The following SLC25A52 variants were observed in gnomAD, a reference collection of about 807,000 sequenced individuals.
SLC25A52 encodes solute carrier family 25 member 52.
A neutral mutation model predicts 17.7 loss-of-function variants in SLC25A52; 12 were observed. The observed-to-expected ratio is 0.68, with a 90% CI of 0.43 to 1.10. The LOEUF (loss-of-function observed/expected upper bound fraction) is 1.10, where lower values mean the gene tolerates loss of function less well. Ranked by LOEUF, SLC25A52 falls within the 50% of genes least tolerant of loss-of-function variation. SLC25A52 has a pLI of 0.00. For synonymous variants in SLC25A52, 108 were observed against 135.1 expected (o/e 0.80, Z 1.39); for missense variants, 298 against 364.9 (o/e 0.82, Z 1.49).
chr18:31,760,289 C>A lies in SLC25A52; in HGVS notation c.373G>T (p.Ala125Ser). The A allele has an allele frequency of 6.2e-7, 1 of 1,614,050 alleles. No individual in the cohort carries two copies. The highest frequency in any genetic ancestry group is 1.1e-5 in the South Asian group (1 of 91,072). Residue 125 changes from alanine (A) to serine (S), a missense_variant, in exon 1 of 1, where the codon GCA becomes TCA. Physicochemically the swap from Ala to Ser is moderately conservative, Grantham distance 99 (BLOSUM62 1). Coordinates refer to ENST00000269205, the MANE Select transcript of SLC25A52 (RefSeq NM_001034172.4). ...GCTTCTGCTGTCCCTGCAAGCACTG[C>A]CGCCACGCCATGGGTTGCAAACTCT... ...APEFATHGVA[A>S]VLAGTAEAIF...
rs560657029 is a variant in SLC25A52, at chr18:31,760,462, TC to T, written c.199del (p.Asp67MetfsTer6). ...RQQLYGIKTR[D>X]AVLQLRRDGF... is the part of the protein sequence containing the mutation. The stretch of plus-strand genomic sequence containing the variant: ...ATCCCTTCTCAACTGAAGTACTGCA[TC>T]CCGGGTTTTGATGCCATACAGCTGT... On this transcript the variant is annotated frameshift_variant, in exon 1 of 1. Coordinates refer to ENST00000269205, the MANE Select transcript of SLC25A52 (RefSeq NM_001034172.4). LOFTEE classifies it high-confidence loss of function. 1,421 of 1,614,108 alleles carry T rather than the reference TC, an allele frequency of 8.8e-4. 11 individuals are homozygous for T. The African/African-American group carries it at 0.017, about 20-fold the overall frequency.
Position 31,759,594 on chromosome 18 carries a change from G to T in SLC25A52, c.*174C>A. 3 of 610,542 alleles carry T rather than the reference G, an allele frequency of 4.9e-6. No homozygotes were observed. The highest frequency in any genetic ancestry group is 4.6e-4 in the Middle Eastern group (1 of 2,168). The allele number at this position is 610,542 out of a possible 1,614,324, so 37.8% of individuals were successfully genotyped here. ...AAAAAAACCCTTACATTTTCCTATT[G>T]GAACCTTTTATTCTGTTTTGTTGAT... On this transcript the variant is annotated 3_prime_UTR_variant, in exon 1 of 1. Coordinates refer to ENST00000269205, the MANE Select transcript of SLC25A52 (RefSeq NM_001034172.4).
rs765596685 is a variant in SLC25A52 at position 31,760,485 on chromosome 18, C to T, written c.177G>A (p.Gln59=). The part of the protein sequence containing the change: ...YPIQKVLFRQ[Q]LYGIKTRDAV... ...CATCCCGGGTTTTGATGCCATACAGCTGTTGCCGAAAGAGGACCTTCTGAA... is the reference window on the plus strand; with the variant it reads ...CATCCCGGGTTTTGATGCCATACAGTTGTTGCCGAAAGAGGACCTTCTGAA... The change falls in exon 1 of 1, where the codon CAG becomes CAA. Residue 59 remains glutamine (Q), a synonymous_variant. Coordinates refer to ENST00000269205, the MANE Select transcript of SLC25A52 (RefSeq NM_001034172.4). The T allele has an allele frequency of 1.2e-6, 2 of 1,614,228 alleles. No individual in the cohort carries two copies. The highest frequency in any genetic ancestry group is 1.7e-6 in the Non-Finnish European group (2 of 1,180,048).
chr18:31,760,737 T>G lies in SLC25A52; in HGVS notation c.-76A>C. Reference sequence around the variant, plus strand: ...CTGAGCCTGGAGTTTGGCAGGATGATAGCTTTGTGATAATGTTCCCAATTT... The same window carrying G: ...CTGAGCCTGGAGTTTGGCAGGATGAGAGCTTTGTGATAATGTTCCCAATTT... On this transcript the variant is annotated 5_prime_UTR_variant, in exon 1 of 1. Coordinates refer to ENST00000269205, the MANE Select transcript of SLC25A52 (RefSeq NM_001034172.4). 4 of 1,504,448 alleles carry G rather than the reference T, an allele frequency of 2.7e-6. No individual in the cohort carries two copies. Among genetic ancestry groups the G allele is most frequent in the Non-Finnish European group, 3.6e-6 (4 of 1,120,758 alleles). The allele number at this position is 1,504,448 out of a possible 1,614,324, so 93.2% of individuals were successfully genotyped here.
chr18:31,760,466 G>T lies in SLC25A52; in HGVS notation c.196C>A (p.Arg66=), dbSNP rs142346377. 6.2e-7 allele frequency: 1 copy of T among 1,614,194 alleles called. No individual in the cohort carries two copies. The highest frequency in any genetic ancestry group is 1.3e-5 in the African/African-American group (1 of 75,038). ...FRQQLYGIKT[R]DAVLQLRRDG... is the part of the protein sequence containing the mutation. Reference sequence around the variant, plus strand: ...CTTCTCAACTGAAGTACTGCATCCCGGGTTTTGATGCCATACAGCTGTTGC... The same window carrying T: ...CTTCTCAACTGAAGTACTGCATCCCTGGTTTTGATGCCATACAGCTGTTGC... The change falls in exon 1 of 1, where the codon CGG becomes AGG. Residue 66 remains arginine (R), a synonymous_variant. Transcript: ENST00000269205.
In SLC25A52 at chr18:31,760,473, G is replaced by C; in HGVS notation, c.189C>G (p.Ile63Met). ...KVLFRQQLYG[I>M]KTRDAVLQLR... ...ACTGAAGTACTGCATCCCGGGTTTT[G>C]ATGCCATACAGCTGTTGCCGAAAGA... The change falls in exon 1 of 1, where the codon ATC (isoleucine) becomes ATG (methionine). Residue 63 changes from isoleucine (I) to methionine (M), a missense_variant. Physicochemically the swap from Ile to Met is conservative, Grantham distance 10. Transcript: ENST00000269205. 1 of 1,614,230 alleles carries C rather than the reference G, an allele frequency of 6.2e-7. No individual in the cohort carries two copies.
At position 31,760,040 on chromosome 18, in the gene SLC25A52, T is replaced by G. The variant is rs1340169088; in HGVS notation, c.622A>C (p.Ser208Arg). ...ATAAAATCATTGACCAAATGAGCAC[T>G]GTGAGTCGTTGCGGTAGGCAGATGC... ...KEHLPTATTH[S>R]AHLVNDFIGG... Residue 208 changes from serine (S) to arginine (R), a missense_variant, in exon 1 of 1, where the codon AGT becomes CGT. Physicochemically the swap from Ser to Arg is moderately radical, Grantham distance 110 (BLOSUM62 -1). Transcript: ENST00000269205. 3.7e-6 allele frequency: 6 copies of G among 1,611,882 alleles called. No homozygotes were observed. The highest frequency in any genetic ancestry group is 5.1e-6 in the Non-Finnish European group (6 of 1,179,828).
In SLC25A52 at chr18:31,759,693, A is replaced by G; in HGVS notation, c.*75T>C. 2 of 1,505,776 alleles carry G rather than the reference A, an allele frequency of 1.3e-6. No individual in the cohort carries two copies. Among genetic ancestry groups the G allele is most frequent in the Non-Finnish European group, 1.8e-6 (2 of 1,123,902 alleles). 93.3% of individuals were successfully genotyped at this position (1,505,776 alleles called of 1,614,324 possible). ...GACACGAACTTGTATTTGGCCAATTAAGAAAGAGGCCAAACTGCATTCTTC... is the reference window on the plus strand; with the variant it reads ...GACACGAACTTGTATTTGGCCAATTGAGAAAGAGGCCAAACTGCATTCTTC... On this transcript the variant is annotated 3_prime_UTR_variant, in exon 1 of 1. Transcript: ENST00000269205.
Position 31,760,088 on chromosome 18 carries a change from C to T in SLC25A52, c.574G>A (p.Gly192Ser). ...TGCTCCTTAATGGGACCTCGAAGGC[C>T]GAAAAACAAGACATTGCTGAGTCCA... ...RNGLSNVLFF[G>S]LRGPIKEHLP... Residue 192 changes from glycine (G) to serine (S), a missense_variant, in exon 1 of 1, where the codon GGC becomes AGC. Coordinates refer to ENST00000269205, the MANE Select transcript of SLC25A52 (RefSeq NM_001034172.4). The T allele has an allele frequency of 1.9e-6, 3 of 1,611,866 alleles. No homozygotes were observed. The highest frequency in any genetic ancestry group is 1.7e-6 in the Non-Finnish European group (2 of 1,179,824).
Position 31,760,875 on chromosome 18 carries a change from G to A in SLC25A52, c.-214C>T, listed in dbSNP as rs2031503310. 1.3e-6 allele frequency: 1 copy of A among 750,420 alleles called. No individual in the cohort carries two copies. The highest frequency in any genetic ancestry group is 2.8e-5 in the East Asian group (1 of 35,614). The allele number at this position is 750,420 out of a possible 1,614,324, so 46.5% of individuals were successfully genotyped here. On this transcript the variant is annotated 5_prime_UTR_variant, in exon 1 of 1. Transcript: ENST00000269205. ...ACCCATCGCCGCCGGCGCCCCGCAGGACTGCGAGCAAGCCGGGACCTGCGC... is the reference window on the plus strand; with the variant it reads ...ACCCATCGCCGCCGGCGCCCCGCAGAACTGCGAGCAAGCCGGGACCTGCGC...
Position 31,759,970 on chromosome 18 carries a change from G to A in SLC25A52, c.692C>T (p.Pro231Leu). The A allele has an allele frequency of 6.2e-7, 1 of 1,611,950 alleles. No individual in the cohort carries two copies. The highest frequency in any genetic ancestry group is 1.1e-5 in the South Asian group (1 of 90,990). Residue 231 changes from proline to leucine, a missense_variant, in exon 1 of 1, where the codon CCA becomes CTA. By Grantham distance (98) the Pro-to-Leu change is moderately conservative. Transcript: ENST00000269205. ...TAGGCGAGTTTTTACAACATTAATT[G>A]GAAAACACAAGAATCCCAACATGGC... ...LGAMLGFLCF[P>L]INVVKTRLQS...
Position 31,760,497 on chromosome 18 carries a change from G to A in SLC25A52, c.165C>T (p.Leu55=). The part of the protein sequence containing the change: ...VAITYPIQKV[L]FRQQLYGIKT... ...TGATGCCATACAGCTGTTGCCGAAA[G>A]AGGACCTTCTGAATGGGATATGTGA... Residue 55 remains leucine (L), a synonymous_variant, in exon 1 of 1, where the codon CTC becomes CTT. Coordinates refer to ENST00000269205, the MANE Select transcript of SLC25A52 (RefSeq NM_001034172.4). The A allele has an allele frequency of 6.2e-7, 1 of 1,614,230 alleles. No homozygotes were observed. Among genetic ancestry groups the A allele is most frequent in the Non-Finnish European group, 8.5e-7 (1 of 1,180,056 alleles).
In SLC25A52 at chr18:31,760,380, C is replaced by T. The variant is rs11875226; in HGVS notation, c.282G>A (p.Thr94=). 45,431 of 1,614,076 alleles carry T rather than the reference C, an allele frequency of 0.028. 1,654 individuals are homozygous for T. Among genetic ancestry groups the T allele is most frequent in the African/African-American group, 0.18 (13,464 of 74,958 alleles). ...ILPPLMQKTT[T]LALMFGLYED... ...CATACAGACCAAACATAAGTGCAAG[C>T]GTAGTTGTCTTCTGCATCAATGGGG... is the stretch of plus-strand genomic sequence containing the variant. The change falls in exon 1 of 1, where the codon ACG becomes ACA. Residue 94 remains threonine, a synonymous_variant. Coordinates refer to ENST00000269205, the MANE Select transcript of SLC25A52 (RefSeq NM_001034172.4).
At position 31,759,957 on chromosome 18, in the gene SLC25A52, TACA is replaced by T; in HGVS notation, c.702_704del (p.Val235del). 1 of 1,611,884 alleles carries T rather than the reference TACA, an allele frequency of 6.2e-7. No homozygotes were observed. Among genetic ancestry groups the T allele is most frequent in the African/African-American group, 1.3e-5 (1 of 74,908 alleles). On this transcript the variant is annotated inframe_deletion, in exon 1 of 1. Coordinates refer to ENST00000269205, the MANE Select transcript of SLC25A52 (RefSeq NM_001034172.4). ...CAATCTGAGACTGTAGGCGAGTTTT[TACA>T]ACATTAATTGGAAAACACAAGAATC...
In SLC25A52 at chr18:31,759,870, T is replaced by A. The variant is rs750289615; in HGVS notation, c.792A>T (p.Lys264Asn). The A allele has an allele frequency of 1.9e-6, 3 of 1,612,334 alleles. No individual in the cohort carries two copies. The highest frequency in any genetic ancestry group is 1.7e-6 in the Non-Finnish European group (2 of 1,178,852). The change falls in exon 1 of 1, where the codon AAA becomes AAT. Residue 264 changes from lysine to asparagine, a missense_variant. Physicochemically the swap from Lys to Asn is moderately conservative, Grantham distance 94 (BLOSUM62 0). Coordinates refer to ENST00000269205, the MANE Select transcript of SLC25A52 (RefSeq NM_001034172.4). ...FQKIWLERDR[K>N]LINLFRGAHL... ...GGGCACCTCTGAAAAGATTTATCAG[T>A]TTTCTGTCCCGTTCCAGCCAGATTT...
In SLC25A52 at chr18:31,760,379, G is replaced by A. The variant is rs750997541; in HGVS notation, c.283C>T (p.Leu95Phe). The change falls in exon 1 of 1, where the codon CTT (leucine) becomes TTT (phenylalanine). Residue 95 changes from leucine (L) to phenylalanine (F), a missense_variant. Coordinates refer to ENST00000269205, the MANE Select transcript of SLC25A52 (RefSeq NM_001034172.4). ...TCATACAGACCAAACATAAGTGCAA[G>A]CGTAGTTGTCTTCTGCATCAATGGG... ...LPPLMQKTTT[L>F]ALMFGLYEDL... is the part of the protein sequence containing the mutation. 8 of 1,614,090 alleles carry A rather than the reference G, an allele frequency of 5.0e-6. No homozygotes were observed. Among genetic ancestry groups the A allele is most frequent in the Admixed American group, 3.3e-5 (2 of 60,000 alleles).
rs377227347 is a variant in SLC25A52 at position 31,760,492 on chromosome 18, C to G, written c.170G>C (p.Arg57Pro). ...GGTTTTGATGCCATACAGCTGTTGC[C>G]GAAAGAGGACCTTCTGAATGGGATA... is the stretch of plus-strand genomic sequence containing the variant. ...ITYPIQKVLF[R>P]QQLYGIKTRD... Residue 57 changes from arginine (R) to proline (P), a missense_variant, in exon 1 of 1, where the codon CGG becomes CCG. Coordinates refer to ENST00000269205, the MANE Select transcript of SLC25A52 (RefSeq NM_001034172.4). The G allele has an allele frequency of 1.2e-6, 2 of 1,614,140 alleles. No homozygotes were observed. The highest frequency in any genetic ancestry group is 1.7e-6 in the Non-Finnish European group (2 of 1,180,032).
Position 31,760,690 on chromosome 18 carries a change from A to AT in SLC25A52, c.-30dup, listed in dbSNP as rs771217462. ...GCTTAAGATCTTTCTCATGAAGGGC[A>AT]TTTTTTAACCTGTGACATCATCTGA... On this transcript the variant is annotated 5_prime_UTR_variant, in exon 1 of 1. The change creates a new upstream start codon in the 5' untranslated region. Coordinates refer to ENST00000269205, the MANE Select transcript of SLC25A52 (RefSeq NM_001034172.4). 10 of 1,568,088 alleles carry AT rather than the reference A, an allele frequency of 6.4e-6. No homozygotes were observed. The highest frequency in any genetic ancestry group is 8.6e-6 in the Non-Finnish European group (10 of 1,159,894).
rs1210515953 is a variant in SLC25A52, at chr18:31,760,242, T to A, written c.420A>T (p.Arg140Ser). 1 of 1,613,998 alleles carries A rather than the reference T, an allele frequency of 6.2e-7. No individual in the cohort carries two copies. Among genetic ancestry groups the A allele is most frequent in the South Asian group, 1.1e-5 (1 of 91,068 alleles). ...TGTGGTTTTGAAGCAATGTCTGAAC[T>A]CTTTCCAGTGGAGTGAAAATTGCTT... ...TAEAIFTPLE[R>S]VQTLLQNHKH... Residue 140 changes from arginine to serine, a missense_variant, in exon 1 of 1, where the codon AGA (arginine) becomes AGT (serine). By Grantham distance (110) the Arg-to-Ser change is moderately radical. Coordinates refer to ENST00000269205, the MANE Select transcript of SLC25A52 (RefSeq NM_001034172.4).
Sources: allele counts gnomAD v4.1 joint callset, GRCh38; gene constraint gnomAD v4.1.1; transcripts MANE v1.5; gene names NCBI Gene and HGNC (gene_info 2026-07-23, HGNC 2026-07-21).